The following ATXN1 variants were observed in gnomAD, a reference collection of about 807,000 sequenced individuals.
The protein encoded by ATXN1 is ataxin 1, also known as ataxin-1.
Under a neutral mutation model 56.4 loss-of-function variants are expected in ATXN1, and 8 were observed. The observed-to-expected ratio is 0.14, with a 90% CI of 0.08 to 0.26. The LOEUF is 0.26. ATXN1 is among the 10% of genes least tolerant of loss of function. The probability of loss-of-function intolerance (pLI) is 1.00; values close to 1 mark genes in which losing one functional copy is unlikely to be tolerated. For missense variants in ATXN1, 987 were observed against 1,106.5 expected (o/e 0.89, Z 1.53); for synonymous variants, 514 against 494.6 (o/e 1.04, Z -0.52).
chr6:16,403,639 T>C (rs369988), intron 6 of ATXN1, among the ~76,000 whole-genome samples: 109,551 of 152,132 alleles, frequency 0.72, 39,661 homozygotes, highest in East Asian at 0.92. Context: ...GCGTGAGCCA[T>C]GGCGCCCGGC....
chr6:16,646,385 T>C (rs995973171), intron 3 of ATXN1, among the ~76,000 whole-genome samples: 3 of 152,358 alleles, frequency 2.0e-5, no homozygotes, highest in African/African-American at 4.8e-5. Context: ...CTGTAAAATG[T>C]GGATAGCTAT....
chr6:16,462,594 A>T (rs1259509477), intron 6 of ATXN1, among the ~76,000 whole-genome samples: 1 of 152,140 alleles, frequency 6.6e-6, no homozygotes, highest in Non-Finnish European at 1.5e-5. Flanking sequence ...CGGGACAAAA[A>T]TCCTAATCAC....
chr6:16,425,173 G>A (rs930859443), intron 6 of ATXN1, among the ~76,000 whole-genome samples: 7 of 152,106 alleles, frequency 4.6e-5, no homozygotes, highest in African/African-American at 9.7e-5. Flanking sequence ...GTGAAACAGA[G>A]CACAAATTAA....
At chr6:16,673,706 T>C (rs1172939547) in intron 2 of ATXN1, among the ~76,000 whole-genome samples, 1 of 152,028 alleles carries the variant, frequency 6.6e-6, no homozygotes, top group Non-Finnish European at 1.5e-5. Context: ...GGCTGGAGTG[T>C]AGTGACGCCA....
chr6:16,584,236 A>ATATATG (rs1762578791), intron 4 of ATXN1, among the ~76,000 whole-genome samples: 7 of 129,100 alleles, frequency 5.4e-5, no homozygotes, highest in Non-Finnish European at 9.8e-5. Flanking sequence ...ATATATATAT[A>ATATATG]TATATATACA....
At chr6:16,729,316 C>T (rs372692640) in intron 2 of ATXN1, among the ~76,000 whole-genome samples, 6 of 152,138 alleles carry the variant, frequency 3.9e-5, no homozygotes, top group South Asian at 4.1e-4. Context: ...AAATGAATAA[C>T]GGCTGGACTG....
intron 7 of ATXN1, among the ~76,000 whole-genome samples, chr6:16,318,502 C>T (rs1436838063): frequency 6.6e-6 from 1 of 152,120 alleles, no homozygotes; most frequent in African/African-American, 2.4e-5. Context: ...CAGAAAACCC[C>T]GTCTCAAAGA....
intron 6 of ATXN1, among the ~76,000 whole-genome samples, chr6:16,349,523 A>G (rs1389852453): frequency 6.6e-6 from 1 of 152,094 alleles, no homozygotes; most frequent in African/African-American, 2.4e-5. Context: ...AAAGAAAAAA[A>G]AAAAACACAT....
chr6:16,590,686 T>C (rs958177117), intron 3 of ATXN1, among the ~76,000 whole-genome samples: 4 of 152,044 alleles, frequency 2.6e-5, no homozygotes, highest in Non-Finnish European at 5.9e-5. Context: ...TTTTTTTTCT[T>C]TGAGACAAGT....
In ATXN1 at chr6:16,326,310, C is replaced by T; in HGVS notation, c.1917+84G>A. On this transcript the variant is annotated intron_variant, in intron 7 of 7. Coordinates refer to ENST00000436367, the MANE Select transcript of ATXN1 (RefSeq NM_001128164.2). This position sits in a 1 kb window ranked among gnomAD's most constrained non-coding sequence, Gnocchi z 6.6. ...TACCCGAGAACCCTTAATCCTGCCT[C>T]ATAGAAGCAATTCGTCTTGCCAGGA... is the stretch of plus-strand genomic sequence containing the variant. The T allele has an allele frequency of 6.4e-7, 1 of 1,567,322 alleles. No homozygotes were observed.
chr6:16,319,683 A>G (rs1760599724), intron 7 of ATXN1, among the ~76,000 whole-genome samples: 1 of 152,236 alleles, frequency 6.6e-6, no homozygotes, highest in Non-Finnish European at 1.5e-5. Context: ...GAAAACTGTT[A>G]GGTGTGTGAG....
chr6:16,726,858 CA>C (rs1037183152), intron 2 of ATXN1, among the ~76,000 whole-genome samples: 2 of 150,530 alleles, frequency 1.3e-5, no homozygotes, highest in Non-Finnish European at 3.0e-5. Flanking sequence ...AACTTCATCT[CA>C]AAAAAAAACA....
intron 3 of ATXN1, among the ~76,000 whole-genome samples, chr6:16,656,497 T>TA (rs141138789): frequency 9.3e-5 from 14 of 150,330 alleles, no homozygotes; most frequent in East Asian, 7.8e-4. Flanking sequence ...ACGGGGTTGA[T>TA]AAAAAAAAAA....
At chr6:16,724,244 CT>C (rs750473750) in intron 2 of ATXN1, among the ~76,000 whole-genome samples, 41 of 152,206 alleles carry the variant, frequency 2.7e-4, no homozygotes, top group Non-Finnish European at 4.6e-4. Context: ...AAAAATATTA[CT>C]GGCACCAGTC....
intron 6 of ATXN1, among the ~76,000 whole-genome samples, chr6:16,434,560 T>C (rs1200458478): frequency 6.6e-6 from 1 of 152,258 alleles, no homozygotes; most frequent in Non-Finnish European, 1.5e-5. Context: ...GATGACTCAG[T>C]GTGTATTATC....
chr6:16,537,039 ATCTT>A (rs1761613938), intron 4 of ATXN1, among the ~76,000 whole-genome samples: 1 of 134,924 alleles, frequency 7.4e-6, no homozygotes, highest in African/African-American at 2.9e-5. Flanking sequence ...GAAATGTAAA[ATCTT>A]TTTTTTTTTT....
intron 6 of ATXN1, among the ~76,000 whole-genome samples, chr6:16,330,736 T>C (rs1760968124): frequency 6.6e-6 from 1 of 152,126 alleles, no homozygotes; most frequent in South Asian, 2.1e-4. Context: ...ACATCATCAA[T>C]GAACATCATA....
In ATXN1 at chr6:16,624,718, A is replaced by G. The variant is rs111313235; in HGVS notation, c.-489+33058T>C. Among the ~76,000 whole-genome samples the G allele has an allele frequency of 3.1e-3, 477 of 152,346 alleles. 2 individuals are homozygous for G. The highest frequency in any genetic ancestry group is 6.5e-3 in the African/African-American group (272 of 41,580). The stretch of plus-strand genomic sequence containing the variant: ...AGAATATAAAAAATTGTGAAAGTCT[A>G]AAGTTACTGCTCACATTGCAACCTT... On this transcript the variant is annotated intron_variant, in intron 3 of 7. Coordinates refer to ENST00000436367, the MANE Select transcript of ATXN1 (RefSeq NM_001128164.2).
At chr6:16,485,600 C>CT in intron 6 of ATXN1, 2 of 152,240 alleles carry the variant, frequency 1.3e-5, no homozygotes, top group South Asian at 4.1e-4. Context: ...AATTTTACCC[C>CT]CTACTCACCA....
Sources: allele counts gnomAD v4.1 joint callset (sites outside exome capture counted in the v4.1 genomes callset), GRCh38; gene constraint gnomAD v4.1.1; non-coding constraint Gnocchi (gnomAD v3.1); transcripts MANE v1.5; gene names NCBI Gene and HGNC (gene_info 2026-07-23, HGNC 2026-07-21).